Variants in CEP78 observed in about 807,000 individuals in gnomAD.
CEP78 encodes centrosomal protein of 78 kDa.
A neutral mutation model predicts 81.2 loss-of-function variants in CEP78; 76 were observed. The ratio of observed to expected loss-of-function variants is 0.94; its 90% confidence interval spans 0.78 to 1.13. CEP78 has a LOEUF of 1.13. Among genes scored for constraint, CEP78 ranks in the 50% most tolerant of loss-of-function variants. The probability of loss-of-function intolerance (pLI) is 0.00; values close to 1 mark genes in which losing one functional copy is unlikely to be tolerated. For synonymous variants in CEP78, 293 were observed against 301.4 expected (o/e 0.97, Z 0.29); for missense variants, 918 against 846.8 (o/e 1.08, Z -1.04).
At position 78,272,999 on chromosome 9, in the gene CEP78, C is replaced by T. The variant is rs1827726103; in HGVS notation, c.*2148C>T. On this transcript the variant is annotated 3_prime_UTR_variant, in exon 17 of 17. Transcript: ENST00000643273. ...AGGGAAGTGCAGAATTGCCATTTGC[C>T]ATGAGAAGAGAGGGAAGCAAATGTA... 1 of 152,062 alleles carries T rather than the reference C, an allele frequency of 6.6e-6. No homozygotes were observed. Among genetic ancestry groups the T allele is most frequent in the South Asian group, 2.1e-4 (1 of 4,824 alleles). The allele number at this position is 152,062 out of a possible 1,614,324, so 9.4% of individuals were successfully genotyped here.
intron 11 of CEP78, among the ~76,000 whole-genome samples, chr9:78,262,202 ATTT>A (rs535753147): frequency 2.9e-5 from 4 of 137,542 alleles, no homozygotes; most frequent in Non-Finnish European, 3.2e-5. Context: ...GGGATGTGCT[ATTT>A]TTTTTTTTTT....
chr9:78,243,502 G>C lies in CEP78; in HGVS notation c.644G>C (p.Ser215Thr). 1 of 1,613,780 alleles carries C rather than the reference G, an allele frequency of 6.2e-7. No homozygotes were observed. The highest frequency in any genetic ancestry group is 8.5e-7 in the Non-Finnish European group (1 of 1,179,810). Residue 215 changes from serine to threonine, a missense_variant, in exon 5 of 17, where the codon AGT (serine) becomes ACT (threonine). Physicochemically the swap from Ser to Thr is moderately conservative, Grantham distance 58. Transcript: ENST00000643273. ...MRRHEETWAE[S>T]LRYRRPDLDC... ...AGGCATGAAGAAACCTGGGCTGAGA[G>C]TCTTCGCTATAGGAGACCTGATCTT... is the stretch of plus-strand genomic sequence containing the variant.
In CEP78 at chr9:78,266,561, G is replaced by T; in HGVS notation, c.1965G>T (p.Glu655Asp). The change falls in exon 16 of 17, where the codon GAG becomes GAT. Residue 655 changes from glutamate (E) to aspartate (D), a missense_variant. Transcript: ENST00000643273. ...SSNNLGVPAT[E>D]QRQESFEGFI... ...ACAACCTAGGAGTCCCAGCTACTGA[G>T]CAGCGGCAGGAGTCTTTTGAAGGAT... 6.2e-7 allele frequency: 1 copy of T among 1,613,944 alleles called. No individual in the cohort carries two copies. The highest frequency in any genetic ancestry group is 1.1e-5 in the South Asian group (1 of 91,074).
At chr9:78,255,523 C>T (rs1027332174) in intron 11 of CEP78, among the ~76,000 whole-genome samples, 2 of 152,106 alleles carry the variant, frequency 1.3e-5, no homozygotes, top group African/African-American at 4.8e-5. Context: ...TGGCGAGGGC[C>T]TGCTTTCTGG....
At chr9:78,267,619 A>C (rs1459920126) in intron 16 of CEP78, among the ~76,000 whole-genome samples, 1 of 152,188 alleles carries the variant, frequency 6.6e-6, no homozygotes, top group Non-Finnish European at 1.5e-5. Context: ...TGGGATCTCA[A>C]CCAGAACCCA....
At position 78,277,578 on chromosome 9, in the gene CEP78, T is replaced by C. The variant is rs940181450; in HGVS notation, c.*6727T>C. On this transcript the variant is annotated 3_prime_UTR_variant, in exon 17 of 17. Coordinates refer to ENST00000643273, the MANE Select transcript of CEP78 (RefSeq NM_001330691.3). Reference sequence around the variant, plus strand: ...CATTGAAATGGCAGATTATTAAAGATTGGTGATAGTGCTGGAGATAATGTG... The same window carrying C: ...CATTGAAATGGCAGATTATTAAAGACTGGTGATAGTGCTGGAGATAATGTG... The C allele has an allele frequency of 6.6e-6, 1 of 152,144 alleles. No homozygotes were observed. Among genetic ancestry groups the C allele is most frequent in the African/African-American group, 2.4e-5 (1 of 41,452 alleles). 9.4% of individuals were successfully genotyped at this position (152,144 alleles called of 1,614,324 possible). A position where few individuals can be genotyped will look rare whatever the true frequency, so the allele number is the denominator to read the frequency against.
rs556571182 is a variant in CEP78 at position 78,276,347 on chromosome 9, CTT to C, written c.*5497_*5498del. ...TTAACAATCTCGAAATAGAAGGAAA[CTT>C]CCTTAGCTTAGCTTCTTGGCTTCAT... On this transcript the variant is annotated 3_prime_UTR_variant, in exon 17 of 17. Coordinates refer to ENST00000643273, the MANE Select transcript of CEP78 (RefSeq NM_001330691.3). 2.6e-5 allele frequency: 4 copies of C among 152,302 alleles called. No individual in the cohort carries two copies. Among genetic ancestry groups the C allele is most frequent in the Non-Finnish European group, 5.9e-5 (4 of 68,024 alleles). 9.4% of individuals were successfully genotyped at this position (152,302 alleles called of 1,614,324 possible). A position where few individuals can be genotyped will look rare whatever the true frequency, so the allele number is the denominator to read the frequency against.
chr9:78,260,004 T>C (rs1827202410), intron 11 of CEP78, among the ~76,000 whole-genome samples: 2 of 152,258 alleles, frequency 1.3e-5, no homozygotes, highest in Non-Finnish European at 1.5e-5. Flanking sequence ...GGTTGTCTGC[T>C]TTGTGGTACA....
At chr9:78,255,741 GA>G (rs1826990275) in intron 11 of CEP78, among the ~76,000 whole-genome samples, 1 of 152,150 alleles carries the variant, frequency 6.6e-6, no homozygotes, top group Non-Finnish European at 1.5e-5. Context: ...AGATAATGTA[GA>G]ATTGTCCCTA....
intron 11 of CEP78, among the ~76,000 whole-genome samples, chr9:78,258,914 T>G (rs999726951): frequency 1.3e-5 from 2 of 152,176 alleles, no homozygotes; most frequent in Non-Finnish European, 2.9e-5. Flanking sequence ...ACCGGAAGTA[T>G]AAGTGAGCAC....
chr9:78,245,621 T>C (rs1230338751), intron 5 of CEP78, among the ~76,000 whole-genome samples: 1 of 152,246 alleles, frequency 6.6e-6, no homozygotes, highest in Non-Finnish European at 1.5e-5. Context: ...GCTTTTGCTC[T>C]GATGTAATCT....
rs1827731408 is a variant in CEP78, at chr9:78,273,226, C to G, written c.*2375C>G. On this transcript the variant is annotated 3_prime_UTR_variant, in exon 17 of 17. Coordinates refer to ENST00000643273, the MANE Select transcript of CEP78 (RefSeq NM_001330691.3). ...GCTTGAGTAAAAACATGAAATCCCA[C>G]TGTGTGCTATTTGCAAAATCTAAAA... 6.6e-6 allele frequency: 1 copy of G among 152,172 alleles called. No homozygotes were observed. The highest frequency in any genetic ancestry group is 1.9e-4 in the East Asian group (1 of 5,196). 9.4% of individuals were successfully genotyped at this position (152,172 alleles called of 1,614,324 possible). A position where few individuals can be genotyped will look rare whatever the true frequency, so the allele number is the denominator to read the frequency against.
At chr9:78,261,079 T>C (rs1450071360) in intron 11 of CEP78, among the ~76,000 whole-genome samples, 2 of 152,148 alleles carry the variant, frequency 1.3e-5, no homozygotes, top group East Asian at 3.9e-4. Flanking sequence ...GCCTCCCGAG[T>C]AGCTGGGATT....
At chr9:78,244,213 C>T (rs1009737610) in intron 5 of CEP78, among the ~76,000 whole-genome samples, 3 of 149,204 alleles carry the variant, frequency 2.0e-5, no homozygotes, top group Non-Finnish European at 3.0e-5. Context: ...AATCATACCG[C>T]GCTGTAGCCT....
At chr9:78,254,773 G>C in intron 10 of CEP78, 63 bp from the exon 11 acceptor site, 1 of 1,328,470 alleles carries the variant, frequency 7.5e-7, no homozygotes, top group Non-Finnish European at 1.0e-6. Context: ...ACTTTGATTA[G>C]ATGTCCTTTA....
chr9:78,264,136 ATCT>A lies in CEP78; in HGVS notation c.1459-9_1459-7del, dbSNP rs2118460443. 2.8e-6 allele frequency: 4 copies of A among 1,420,582 alleles called. No homozygotes were observed. The highest frequency in any genetic ancestry group is 1.6e-5 in the South Asian group (1 of 60,866). The allele number at this position is 1,420,582 out of a possible 1,614,324, so 88.0% of individuals were successfully genotyped here. On this transcript the variant is annotated splice_polypyrimidine_tract_variant and intron_variant, in intron 12 of 16. Transcript: ENST00000643273. ...GAGAAAATCATGTCACACATTTTCA[ATCT>A]TCTTTTATAGCTGGAACATGAAAAT... is the stretch of plus-strand genomic sequence containing the variant.
chr9:78,260,294 T>C (rs1218043389), intron 11 of CEP78, among the ~76,000 whole-genome samples: 1 of 152,150 alleles, frequency 6.6e-6, no homozygotes, highest in East Asian at 1.9e-4. Flanking sequence ...ACCTTCATGC[T>C]TAAAAGTGGT....
rs766891538 is a variant in CEP78 at position 78,277,159 on chromosome 9, AAATC to A, written c.*6311_*6314del. On this transcript the variant is annotated 3_prime_UTR_variant, in exon 17 of 17. Coordinates refer to ENST00000643273, the MANE Select transcript of CEP78 (RefSeq NM_001330691.3). ...TCTTATTTCATATCATGGATGAAAA[AAATC>A]AAGATGAATTAAACATGGAAATTAA... 6.6e-6 allele frequency: 1 copy of A among 152,180 alleles called. No homozygotes were observed. Among genetic ancestry groups the A allele is most frequent in the Non-Finnish European group, 1.5e-5 (1 of 68,002 alleles). 9.4% of individuals were successfully genotyped at this position (152,180 alleles called of 1,614,324 possible).
At chr9:78,256,158 C>T (rs1268957058) in intron 11 of CEP78, among the ~76,000 whole-genome samples, 1 of 152,138 alleles carries the variant, frequency 6.6e-6, no homozygotes, top group African/African-American at 2.4e-5. Flanking sequence ...CAGAGGAAAA[C>T]CATCGCCTAG....
Sources: allele counts gnomAD v4.1 joint callset (sites outside exome capture counted in the v4.1 genomes callset), GRCh38; gene constraint gnomAD v4.1.1; transcripts MANE v1.5; gene names NCBI Gene and HGNC (gene_info 2026-07-23, HGNC 2026-07-21).